The following RERGL variants were observed in gnomAD, a reference collection of about 807,000 sequenced individuals.
RERGL encodes the protein ras-related and estrogen-regulated growth inhibitor-like protein.
RERGL carries 22 observed loss-of-function variants against 24.7 expected under a neutral mutation model. That is an observed-to-expected ratio of 0.89 (90% CI 0.64 to 1.27). The LOEUF (loss-of-function observed/expected upper bound fraction) is 1.27. Ranked by LOEUF, RERGL falls within the 50% of genes most tolerant of loss-of-function variation. The pLI is 0.00. For synonymous variants in RERGL, 76 were observed against 82.6 expected (o/e 0.92, Z 0.43); for missense variants, 259 against 235.3 (o/e 1.10, Z -0.66).
chr12:18,082,247 C>CT (rs1217044042), intron 4 of RERGL, among the ~76,000 whole-genome samples: 4 of 151,742 alleles, frequency 2.6e-5, no homozygotes, highest in African/African-American at 9.7e-5. Context: ...AAACCAAATA[C>CT]TGCATGTTCT....
intron 2 of RERGL, among the ~76,000 whole-genome samples, chr12:18,086,086 G>C (rs1947219617): frequency 6.7e-6 from 1 of 149,062 alleles, no homozygotes; most frequent in Non-Finnish European, 1.5e-5. Flanking sequence ...TGTTAGCCAG[G>C]ATGGTCTCAA....
At chr12:18,090,049 T>C in intron 1 of RERGL, 40 bp downstream of exon 1, 3 of 1,477,322 alleles carry the variant, frequency 2.0e-6, no homozygotes, top group Non-Finnish European at 1.8e-6. Flanking sequence ...TTCTCACTCT[T>C]TCTACACTCT....
At position 18,084,556 on chromosome 12, in the gene RERGL, A is replaced by G. The variant is rs1299479726; in HGVS notation, c.293T>C (p.Ile98Thr). 5.0e-6 allele frequency: 8 copies of G among 1,611,058 alleles called. No homozygotes were observed. The highest frequency in any genetic ancestry group is 6.8e-6 in the Non-Finnish European group (8 of 1,178,820). The change falls in exon 4 of 5, where the codon ATC becomes ACC. Residue 98 changes from isoleucine (I) to threonine (T), a missense_variant. Transcript: ENST00000538724. ...AGTTTGTGGCTCCCGGATTCTGTAG[A>G]TCAGCGCTTTTGCAAAAGCAAATGA... ...RSSFAFAKAL[I>T]YRIREPQTSH...
Position 18,087,363 on chromosome 12 carries a change from A to G in RERGL, c.109+1537T>C, listed in dbSNP as rs151051978. Among the ~76,000 whole-genome samples, 214 of 152,272 alleles carry G rather than the reference A, an allele frequency of 1.4e-3. 2 individuals carry two copies. The highest frequency in any genetic ancestry group is 4.9e-3 in the African/African-American group (202 of 41,558). On this transcript the variant is annotated intron_variant, in intron 2 of 4. Transcript: ENST00000538724. ...TTACAGTTTCTTGAAACCTTAAATT[A>G]TGTTTTCAGCCAGTTTCTTCTAAAC...
chr12:18,081,934 A>G (rs913041669), intron 4 of RERGL, among the ~76,000 whole-genome samples: 1 of 152,106 alleles, frequency 6.6e-6, no homozygotes, highest in African/African-American at 2.4e-5. Flanking sequence ...AGGTCAGGAG[A>G]TCGAGACCAT....
At chr12:18,082,440 C>G (rs577896166) in intron 4 of RERGL, among the ~76,000 whole-genome samples, 2 of 152,194 alleles carry the variant, frequency 1.3e-5, no homozygotes, top group East Asian at 1.9e-4. Context: ...CCATGACACA[C>G]GTTTACTTGT....
chr12:18,090,079 C>A lies in RERGL; in HGVS notation c.52+10G>T, dbSNP rs1465345608. ...CACTCTATGATAACAGAGAAGATGT[C>A]ACCACTCACCAGATTTGCCTGTTCC... On this transcript the variant is annotated intron_variant, in intron 1 of 4. Transcript: ENST00000538724. 1 of 1,529,986 alleles carries A rather than the reference C, an allele frequency of 6.5e-7. No individual in the cohort carries two copies. The allele number at this position is 1,529,986 out of a possible 1,614,324, so 94.8% of individuals were successfully genotyped here.
intron 2 of RERGL, among the ~76,000 whole-genome samples, chr12:18,086,705 T>G (rs753487636): frequency 1.4e-4 from 21 of 152,156 alleles, no homozygotes; most frequent in Non-Finnish European, 5.9e-5. Context: ...TCTTCTTACA[T>G]TCCTTTTCAG....
At chr12:18,089,076 A>T in intron 1 of RERGL, 120 bp from the exon 2 acceptor site, 1 of 1,139,410 alleles carries the variant, frequency 8.8e-7, no homozygotes, top group Non-Finnish European at 1.3e-6. Flanking sequence ...AAGACTTTAA[A>T]ATTAGACCAA....
At chr12:18,087,682 C>T (rs1246984772) in intron 2 of RERGL, among the ~76,000 whole-genome samples, 1 of 152,114 alleles carries the variant, frequency 6.6e-6, no homozygotes, top group Non-Finnish European at 1.5e-5. Flanking sequence ...TTAATTTATA[C>T]AACTATATTA....
intron 4 of RERGL, among the ~76,000 whole-genome samples, chr12:18,082,258 C>T (rs1300160119): frequency 6.6e-6 from 1 of 152,008 alleles, no homozygotes; most frequent in East Asian, 1.9e-4. Context: ...TGCATGTTCT[C>T]ACTCATAAGT....
In RERGL at chr12:18,081,348, G is replaced by A. The variant is rs370849657; in HGVS notation, c.458C>T (p.Ala153Val). ...TTCCACCTCCAGAGACTGCTCTGCT[G>A]CAGACAGTTCACAGAATTGGCATCG... ...ENRCQFCELS[A>V]AEQSLEVEMM... Residue 153 changes from alanine (A) to valine (V), a missense_variant, in exon 5 of 5, where the codon GCA becomes GTA. Physicochemically the swap from Ala to Val is moderately conservative, Grantham distance 64. Coordinates refer to ENST00000538724, the MANE Select transcript of RERGL (RefSeq NM_001286201.2). 5.6e-6 allele frequency: 9 copies of A among 1,613,924 alleles called. No homozygotes were observed. In the African/African-American group the frequency reaches 9.3e-5, roughly 17 times the overall value.
intron 2 of RERGL, 36 bp from the exon 3 acceptor site, chr12:18,085,729 A>G (rs1947213080): frequency 2.5e-6 from 3 of 1,209,612 alleles, no homozygotes; most frequent in African/African-American, 1.5e-5. Context: ...CAGTATGAAA[A>G]TACTCCAAAC....
chr12:18,082,027 C>A (rs1947178404), intron 4 of RERGL, among the ~76,000 whole-genome samples: 1 of 151,800 alleles, frequency 6.6e-6, no homozygotes, highest in African/African-American at 2.4e-5. Context: ...GTAGTCCCAG[C>A]TACTCAGGAG....
rs1054525507 is a variant in RERGL, at chr12:18,085,798, A to G, written c.110-105T>C. Reference sequence around the variant, plus strand: ...TGGAATCGTATTGTGCTCTTTTTATATTGCTGGTGACTGAAAGCATGTATT... The same window carrying G: ...TGGAATCGTATTGTGCTCTTTTTATGTTGCTGGTGACTGAAAGCATGTATT... On this transcript the variant is annotated intron_variant, in intron 2 of 4. Coordinates refer to ENST00000538724, the MANE Select transcript of RERGL (RefSeq NM_001286201.2). The G allele has an allele frequency of 8.8e-6, 5 of 565,080 alleles. No individual in the cohort carries two copies. In the African/African-American group the frequency reaches 1.0e-4, roughly 11 times the overall value. 35.0% of individuals were successfully genotyped at this position (565,080 alleles called of 1,614,324 possible).
At position 18,082,364 on chromosome 12, in the gene RERGL, G is replaced by T. The variant is rs868019161; in HGVS notation, c.333-891C>A. Among the ~76,000 whole-genome samples the T allele has an allele frequency of 5.0e-4, 76 of 152,154 alleles. 1 individual carries two copies. The highest frequency in any genetic ancestry group is 1.8e-3 in the African/African-American group (73 of 41,522). On this transcript the variant is annotated intron_variant, in intron 4 of 4. Coordinates refer to ENST00000538724, the MANE Select transcript of RERGL (RefSeq NM_001286201.2). Reference sequence around the variant, plus strand: ...GAGGGTGGGAGGAGGAAGAGGATCAGGAAAAATTAACTAACGGGTTCTAGG... The same window carrying T: ...GAGGGTGGGAGGAGGAAGAGGATCATGAAAAATTAACTAACGGGTTCTAGG...
Position 18,088,883 on chromosome 12 carries a change from CTAGAG to C in RERGL, c.109+12_109+16del. On this transcript the variant is annotated intron_variant, in intron 2 of 4. Coordinates refer to ENST00000538724, the MANE Select transcript of RERGL (RefSeq NM_001286201.2). ...GTTAAAAGTTTTAAGGTAAAAATGT[CTAGAG>C]TAGTGACTTACCAAAATTAGAAGCA... 6.6e-7 allele frequency: 1 copy of C among 1,525,360 alleles called. No homozygotes were observed. Among genetic ancestry groups the C allele is most frequent in the Non-Finnish European group, 9.1e-7 (1 of 1,099,778 alleles). The allele number at this position is 1,525,360 out of a possible 1,614,324, so 94.5% of individuals were successfully genotyped here.
Position 18,081,010 on chromosome 12 carries a change from T to C in RERGL, c.*181A>G. On this transcript the variant is annotated 3_prime_UTR_variant, in exon 5 of 5. Transcript: ENST00000538724. ...TCTGTGTGAAGGAGAGTGAGCAGGG[T>C]ACAACAACCAAAAAGGCAAACTACA... 5.4e-6 allele frequency: 3 copies of C among 553,746 alleles called. No individual in the cohort carries two copies. The South Asian group carries it at 7.8e-5, about 14-fold the overall frequency. 34.3% of individuals were successfully genotyped at this position (553,746 alleles called of 1,614,324 possible). A position where few individuals can be genotyped will look rare whatever the true frequency, so the allele number is the denominator to read the frequency against.
At chr12:18,086,253 T>C (rs1947221589) in intron 2 of RERGL, among the ~76,000 whole-genome samples, 1 of 152,126 alleles carries the variant, frequency 6.6e-6, no homozygotes, top group Non-Finnish European at 1.5e-5. Context: ...TATTCCATCC[T>C]ATTACTGTGG....
Sources: allele counts gnomAD v4.1 joint callset (sites outside exome capture counted in the v4.1 genomes callset), GRCh38; gene constraint gnomAD v4.1.1; transcripts MANE v1.5; gene names NCBI Gene and HGNC (gene_info 2026-07-23, HGNC 2026-07-21).